ZZZ3: variants seen among roughly 807,000 people sequenced by gnomAD.
The protein encoded by ZZZ3 is ZZ-type zinc finger-containing protein 3.
A neutral mutation model predicts 95.2 loss-of-function variants in ZZZ3; 22 were observed. That is an observed-to-expected ratio of 0.23 (90% confidence interval 0.17 to 0.33). The LOEUF (loss-of-function observed/expected upper bound fraction) is 0.33. Ranked by LOEUF, ZZZ3 falls within the 10% of genes least tolerant of loss-of-function variation. The pLI, the probability that ZZZ3 is intolerant of heterozygous loss-of-function variation, is 1.00. For missense variants in ZZZ3, 885 were observed against 1,066.5 expected, an observed-to-expected ratio of 0.83 and a Z score of 2.37; for synonymous variants, 335 against 358.9, an observed-to-expected ratio of 0.93 and a Z score of 0.75.
At chr1:77,569,695 A>G (rs540232138) in intron 12 of ZZZ3, among the ~76,000 whole-genome samples, 8 of 152,292 alleles carry the variant, frequency 5.3e-5, no homozygotes, top group East Asian at 1.9e-4. Context: ...GCCTTCAACT[A>G]TAAGTGTTTT....
At position 77,610,768 on chromosome 1, in the gene ZZZ3, TA is replaced by T. The variant is rs1388913767; in HGVS notation, c.1505+21081del. Among the ~76,000 whole-genome samples, 61 of 144,972 alleles carry T rather than the reference TA, an allele frequency of 4.2e-4. 3 individuals carry two copies. The highest frequency in any genetic ancestry group is 1.3e-3 in the African/African-American group (53 of 39,812). On this transcript the variant is annotated intron_variant, in intron 5 of 14. Transcript: ENST00000370801. The stretch of plus-strand genomic sequence containing the variant: ...GCAAAGTTTGACATCCCTTCATGAT[TA>T]AAAAAAAAAACTCTCAACAAATTAA...
chr1:77,581,909 A>G lies in ZZZ3; in HGVS notation c.1793-18T>C. ...TAAACCTACTGAAAAATAAGACCAC[A>G]TACAGAACTGTTAAAGCAAAACATT... On this transcript the variant is annotated intron_variant, in intron 7 of 14. Transcript: ENST00000370801. 1 of 1,608,948 alleles carries G rather than the reference A, an allele frequency of 6.2e-7. No homozygotes were observed. Among genetic ancestry groups the G allele is most frequent in the Non-Finnish European group, 8.5e-7 (1 of 1,176,010 alleles).
At chr1:77,597,307 G>A (rs560857167) in intron 5 of ZZZ3, among the ~76,000 whole-genome samples, 1 of 152,134 alleles carries the variant, frequency 6.6e-6, no homozygotes, top group South Asian at 2.1e-4. Flanking sequence ...ATAAATAAAT[G>A]AGTAAATAAA....
intron 13 of ZZZ3, among the ~76,000 whole-genome samples, chr1:77,566,907 CAG>C (rs1376969851): frequency 6.6e-6 from 1 of 152,140 alleles, no homozygotes; most frequent in Non-Finnish European, 1.5e-5. Flanking sequence ...TAGTGGCTGA[CAG>C]AATGGCAAAC....
At chr1:77,623,560 C>T (rs766820366) in intron 5 of ZZZ3, among the ~76,000 whole-genome samples, 2 of 152,172 alleles carry the variant, frequency 1.3e-5, no homozygotes, top group Non-Finnish European at 2.9e-5. Flanking sequence ...GAACAGGCTA[C>T]TCTGTACTTC....
At chr1:77,603,363 G>A (rs1221581246) in intron 5 of ZZZ3, among the ~76,000 whole-genome samples, 2 of 152,182 alleles carry the variant, frequency 1.3e-5, no homozygotes, top group Non-Finnish European at 2.9e-5. Flanking sequence ...ATAGGAATGA[G>A]CCACCATGCC....
At chr1:77,610,450 T>G (rs898115258) in intron 5 of ZZZ3, among the ~76,000 whole-genome samples, 2 of 151,992 alleles carry the variant, frequency 1.3e-5, no homozygotes, top group African/African-American at 4.8e-5. Context: ...GAGGGAATAC[T>G]TCTAAATTCA....
At chr1:77,576,616 T>C (rs886468851) in intron 11 of ZZZ3, among the ~76,000 whole-genome samples, 6 of 152,090 alleles carry the variant, frequency 3.9e-5, no homozygotes, top group Non-Finnish European at 8.8e-5. Context: ...AAAAGGAAAA[T>C]TTCTATAACA....
At chr1:77,666,713 C>T (rs954822594) in intron 1 of ZZZ3, among the ~76,000 whole-genome samples, 1 of 152,150 alleles carries the variant, frequency 6.6e-6, no homozygotes, top group African/African-American at 2.4e-5. Flanking sequence ...TAATCCCATC[C>T]TTCATGGATA....
Position 77,675,035 on chromosome 1 carries a change from G to A in ZZZ3, c.-403+7550C>T, listed in dbSNP as rs185227464. Among the ~76,000 whole-genome samples, 26 of 151,626 alleles carry A rather than the reference G, an allele frequency of 1.7e-4. 1 individual carries two copies. In the East Asian group the frequency reaches 4.8e-3, roughly 28 times the overall value. Reference sequence around the variant, plus strand: ...GAAGACAGTTCAGGTAAGAATCATAGGTTTGGGGTGGAGAGTGGAGAGTTA... The same window carrying A: ...GAAGACAGTTCAGGTAAGAATCATAAGTTTGGGGTGGAGAGTGGAGAGTTA... On this transcript the variant is annotated intron_variant, in intron 1 of 14. Coordinates refer to ENST00000370801, the MANE Select transcript of ZZZ3 (RefSeq NM_015534.6).
At chr1:77,616,215 G>T (rs1034961402) in intron 5 of ZZZ3, among the ~76,000 whole-genome samples, 2 of 152,088 alleles carry the variant, frequency 1.3e-5, no homozygotes, top group African/African-American at 4.8e-5. Context: ...TGGCTTCATA[G>T]TTTCTGAGTA....
intron 5 of ZZZ3, among the ~76,000 whole-genome samples, chr1:77,590,341 A>T (rs1169978440): frequency 6.6e-6 from 1 of 152,124 alleles, no homozygotes; most frequent in African/African-American, 2.4e-5. Context: ...GCCATTGCTT[A>T]CTCCAGCCTG....
chr1:77,596,683 C>CTGTA (rs1391953696), intron 5 of ZZZ3, among the ~76,000 whole-genome samples: 1 of 152,074 alleles, frequency 6.6e-6, no homozygotes, highest in Non-Finnish European at 1.5e-5. Flanking sequence ...GTACATAGCA[C>CTGTA]TGTATTCTAG....
chr1:77,658,436 G>T (rs1254154619), intron 1 of ZZZ3, among the ~76,000 whole-genome samples: 1 of 151,630 alleles, frequency 6.6e-6, no homozygotes, highest in Non-Finnish European at 1.5e-5. Flanking sequence ...TGATCTCCCG[G>T]GCTCAAACGA....
intron 1 of ZZZ3, 138 bp from the exon 2 acceptor site, chr1:77,641,793 T>A (rs1668798887): frequency 2.6e-6 from 1 of 380,418 alleles, no homozygotes; most frequent in African/African-American, 2.1e-5. Flanking sequence ...TCCTTACATT[T>A]AGCTGTGAAA....
intron 13 of ZZZ3, among the ~76,000 whole-genome samples, chr1:77,568,078 C>G (rs1049738662): frequency 2.0e-5 from 3 of 152,014 alleles, no homozygotes; most frequent in Admixed American, 2.0e-4. Flanking sequence ...TAAATGAATA[C>G]TGCAGCCTGG....
chr1:77,678,879 A>C (rs1672501178), intron 1 of ZZZ3, among the ~76,000 whole-genome samples: 1 of 152,198 alleles, frequency 6.6e-6, no homozygotes, highest in Non-Finnish European at 1.5e-5. Context: ...ATTAGCAATA[A>C]ATGTCAGCTG....
At chr1:77,633,461 C>T (rs1418913013) in intron 4 of ZZZ3, 56 bp from the exon 5 acceptor site, 32 of 1,181,868 alleles carry the variant, frequency 2.7e-5, no homozygotes, top group Middle Eastern at 2.0e-4. Context: ...ATACCCAGAA[C>T]GAAAGTATAA....
chr1:77,589,847 G>C (rs950446609), intron 5 of ZZZ3, among the ~76,000 whole-genome samples: 5 of 152,082 alleles, frequency 3.3e-5, no homozygotes, highest in Non-Finnish European at 7.4e-5. Flanking sequence ...GTGCAGGAGG[G>C]AGGCACAGAC....
Sources: allele counts gnomAD v4.1 joint callset (sites outside exome capture counted in the v4.1 genomes callset), GRCh38; gene constraint gnomAD v4.1.1; transcripts MANE v1.5; gene names NCBI Gene and HGNC (gene_info 2026-07-23, HGNC 2026-07-21).